CALCRL: variants seen among roughly 807,000 people sequenced by gnomAD.
CALCRL encodes calcitonin gene-related peptide type 1 receptor.
CALCRL carries 27 observed loss-of-function variants against 60.4 expected under a neutral mutation model. The ratio of observed to expected loss-of-function variants is 0.45; its 90% confidence interval spans 0.33 to 0.62. The LOEUF (loss-of-function observed/expected upper bound fraction) is 0.62. CALCRL is among the 20% of genes least tolerant of loss of function. CALCRL has a pLI of 0.03. For missense variants in CALCRL, 424 were observed against 540.7 expected (o/e 0.78, Z 2.14); for synonymous variants, 190 against 182.6 (o/e 1.04, Z -0.33).
intron 8 of CALCRL, among the ~76,000 whole-genome samples, chr2:187,366,292 A>T (rs1231792593): frequency 6.7e-6 from 1 of 149,848 alleles, no homozygotes; most frequent in South Asian, 2.1e-4. Flanking sequence ...CTAGTGTTCT[A>T]TATCACTGTA....
rs1422497140 is a variant in CALCRL, at chr2:187,352,318, GA to G, written c.923del (p.Phe308SerfsTer3). ...ICAALLVNLF[F>X]LLNIVRVLIT... Reference sequence around the variant, plus strand: ...TGAGAACGCGTACAATATTTAACAAGAAAAAAAGATTCACCTAAAAACGAAA... The same window carrying G: ...TGAGAACGCGTACAATATTTAACAAGAAAAAAGATTCACCTAAAAACGAAA... On this transcript the variant is annotated frameshift_variant, in exon 13 of 15. Transcript: ENST00000392370. LOFTEE classifies it high-confidence loss of function. The G allele has an allele frequency of 1.2e-6, 2 of 1,602,518 alleles. No homozygotes were observed. Among genetic ancestry groups the G allele is most frequent in the Non-Finnish European group, 1.7e-6 (2 of 1,172,894 alleles).
intron 1 of CALCRL, among the ~76,000 whole-genome samples, chr2:187,400,644 G>T (rs889372281): frequency 1.3e-5 from 2 of 151,406 alleles, no homozygotes; most frequent in East Asian, 3.9e-4. Flanking sequence ...ATCAATTTGT[G>T]AATGGATAAA....
rs148388377 is a variant in CALCRL at position 187,393,886 on chromosome 2, C to G, written c.-292-6130G>C. ...TAATATATAGCTAGGGTTGAGGATA[C>G]CTGGAATAGATAGAAGATTCATGTG... On this transcript the variant is annotated intron_variant, in intron 1 of 14. Transcript: ENST00000392370. 3.0e-3 allele frequency among the ~76,000 whole-genome samples: 457 copies of G among 152,006 alleles called. 3 individuals are homozygous for G. The highest frequency in any genetic ancestry group is 0.011 in the African/African-American group (441 of 41,490).
At chr2:187,379,500 A>T (rs950681017) in intron 7 of CALCRL, among the ~76,000 whole-genome samples, 1 of 152,152 alleles carries the variant, frequency 6.6e-6, no homozygotes, top group Non-Finnish European at 1.5e-5. Context: ...TCAATTTGTT[A>T]ACTTAGAAGA....
intron 1 of CALCRL, among the ~76,000 whole-genome samples, chr2:187,397,395 A>C (rs1165097776): frequency 6.6e-6 from 1 of 151,624 alleles, no homozygotes; most frequent in East Asian, 1.9e-4. Flanking sequence ...ATATGACTGC[A>C]CAATTACTAA....
chr2:187,428,185 T>C (rs1690235083), intron 1 of CALCRL, among the ~76,000 whole-genome samples: 1 of 152,166 alleles, frequency 6.6e-6, no homozygotes, highest in Non-Finnish European at 1.5e-5. Flanking sequence ...GAAGTACTGG[T>C]AGACTTTCAT....
chr2:187,368,761 T>C (rs1454553197), intron 8 of CALCRL, among the ~76,000 whole-genome samples: 1 of 152,144 alleles, frequency 6.6e-6, no homozygotes, highest in Non-Finnish European at 1.5e-5. Context: ...TTCTAGCTTA[T>C]CTAATTTAAT....
At chr2:187,388,766 TTTATAA>T (rs1399376544) in intron 1 of CALCRL, among the ~76,000 whole-genome samples, 1 of 152,104 alleles carries the variant, frequency 6.6e-6, no homozygotes, top group African/African-American at 2.4e-5. Context: ...TATCACATTC[TTTATAA>T]TTATGCATTT....
chr2:187,408,955 ACATTTTAAAG>A (rs1462687664), intron 1 of CALCRL, among the ~76,000 whole-genome samples: 1 of 152,212 alleles, frequency 6.6e-6, no homozygotes, highest in Non-Finnish European at 1.5e-5. Flanking sequence ...AGTAGCAATT[ACATTTTAAAG>A]GGAGCATGAA....
intron 1 of CALCRL, among the ~76,000 whole-genome samples, chr2:187,413,579 A>G (rs1404481532): frequency 6.6e-6 from 1 of 152,180 alleles, no homozygotes; most frequent in Non-Finnish European, 1.5e-5. Flanking sequence ...CCAGCAAACG[A>G]TAGAAATGAT....
rs568951893 is a variant in CALCRL, at chr2:187,344,198, C to T, written c.*1986G>A. The T allele has an allele frequency of 1.1e-4, 16 of 151,620 alleles. No homozygotes were observed. The highest frequency in any genetic ancestry group is 3.4e-4 in the African/African-American group (14 of 41,488). The allele number at this position is 151,620 out of a possible 1,614,324, so 9.4% of individuals were successfully genotyped here. ...GCAGTTGAAGGTCTAGAACAGCCTG[C>T]GTTCCTTTCTATGGCAGCTTGCTAT... On this transcript the variant is annotated 3_prime_UTR_variant, in exon 15 of 15. Transcript: ENST00000392370.
intron 1 of CALCRL, among the ~76,000 whole-genome samples, chr2:187,404,198 C>T (rs2105831197): frequency 6.6e-6 from 1 of 151,962 alleles, no homozygotes; most frequent in South Asian, 2.1e-4. Context: ...GTTTAATAGA[C>T]CTTAACAACA....
chr2:187,390,990 GT>G (rs1688417782), intron 1 of CALCRL, among the ~76,000 whole-genome samples: 1 of 152,156 alleles, frequency 6.6e-6, no homozygotes, highest in South Asian at 2.1e-4. Flanking sequence ...GTGAGAGGTA[GT>G]TATGGAGGAA....
At chr2:187,396,125 T>C (rs1364979323) in intron 1 of CALCRL, among the ~76,000 whole-genome samples, 1 of 151,476 alleles carries the variant, frequency 6.6e-6, no homozygotes, top group African/African-American at 2.4e-5. Context: ...AGTGGACCAT[T>C]TGGCTAATTT....
intron 8 of CALCRL, among the ~76,000 whole-genome samples, chr2:187,375,767 A>G (rs991343176): frequency 2.6e-5 from 4 of 152,172 alleles, no homozygotes; most frequent in East Asian, 1.9e-4. Context: ...TATATACACA[A>G]TATCATTTTT....
At chr2:187,422,887 G>C (rs941578849) in intron 1 of CALCRL, among the ~76,000 whole-genome samples, 1 of 151,650 alleles carries the variant, frequency 6.6e-6, no homozygotes, top group Non-Finnish European at 1.5e-5. Context: ...ATATGAGGGG[G>C]GTATATTAAA....
intron 1 of CALCRL, among the ~76,000 whole-genome samples, chr2:187,429,317 A>T (rs1574317032): frequency 6.6e-6 from 1 of 152,180 alleles, no homozygotes; most frequent in East Asian, 1.9e-4. Flanking sequence ...GGTTACAAAG[A>T]ACTTCAGATG....
chr2:187,433,069 A>G (rs1690469911), intron 1 of CALCRL, among the ~76,000 whole-genome samples: 1 of 152,112 alleles, frequency 6.6e-6, no homozygotes, highest in Admixed American at 6.6e-5. Context: ...CCAATCCTTA[A>G]GTGACACCTG....
At chr2:187,443,766 T>A (rs886903353) in intron 1 of CALCRL, among the ~76,000 whole-genome samples, 4 of 151,668 alleles carry the variant, frequency 2.6e-5, no homozygotes, top group Non-Finnish European at 4.4e-5. Flanking sequence ...TAACTCTCTT[T>A]GTCTATTATA....
Sources: allele counts gnomAD v4.1 joint callset (sites outside exome capture counted in the v4.1 genomes callset), GRCh38; gene constraint gnomAD v4.1.1; transcripts MANE v1.5; gene names NCBI Gene and HGNC (gene_info 2026-07-23, HGNC 2026-07-21).